Variants in SDK2 observed in about 807,000 individuals in gnomAD.
SDK2 encodes the protein protein sidekick-2.
In SDK2, 105 loss-of-function variants were observed where a neutral mutation model predicts 253.9. The ratio of observed to expected loss-of-function variants is 0.41; its 90% CI spans 0.35 to 0.49. The LOEUF (loss-of-function observed/expected upper bound fraction) is 0.49. Among genes scored for constraint, SDK2 ranks in the 20% least tolerant of loss-of-function variants. The pLI is 0.06. For missense variants in SDK2, 2,608 were observed against 3,003.0 expected (o/e 0.87, Z 3.07); for synonymous variants, 1,249 against 1,234.9 (o/e 1.01, Z -0.24).
At chr17:73,602,413 C>T (rs2045853643) in intron 1 of SDK2, among the ~76,000 whole-genome samples, 2 of 152,154 alleles carry the variant, frequency 1.3e-5, no homozygotes, top group Admixed American at 6.5e-5. Flanking sequence ...GGCAACAGTG[C>T]ACCATCTCTG....
intron 2 of SDK2, among the ~76,000 whole-genome samples, chr17:73,480,377 T>C (rs1179106380): frequency 6.6e-6 from 1 of 152,186 alleles, no homozygotes; most frequent in Non-Finnish European, 1.5e-5. Flanking sequence ...TAAATTTTGA[T>C]CTAGGCCATG....
chr17:73,495,642 GTGTT>G (rs1246887889), intron 2 of SDK2, among the ~76,000 whole-genome samples: 4 of 148,904 alleles, frequency 2.7e-5, no homozygotes, highest in Admixed American at 1.4e-4. Context: ...GTGTGTGTGT[GTGTT>G]TGTTTGTGTA....
At position 73,334,411 on chromosome 17, in the gene SDK2, T is replaced by C. The variant is rs539403953; in HGVS notation, c.*4176A>G. 1.6e-4 allele frequency: 25 copies of C among 152,276 alleles called. No individual in the cohort carries two copies. Among genetic ancestry groups the C allele is most frequent in the African/African-American group, 6.0e-4 (25 of 41,544 alleles). The allele number at this position is 152,276 out of a possible 1,614,324, so 9.4% of individuals were successfully genotyped here. A position where few individuals can be genotyped will look rare whatever the true frequency, so the allele number is the denominator to read the frequency against. On this transcript the variant is annotated 3_prime_UTR_variant, in exon 45 of 45. Transcript: ENST00000392650. ...CAAAAAAAAAAGTTTATTTATAAAA[T>C]ACTGACAGTTTGACAGGACACGGGA...
At chr17:73,364,249 C>G (rs1435540699) in intron 38 of SDK2, among the ~76,000 whole-genome samples, 1 of 152,176 alleles carries the variant, frequency 6.6e-6, no homozygotes, top group Non-Finnish European at 1.5e-5. Flanking sequence ...TGGCAGGTAC[C>G]AGATGCCCAT....
chr17:73,586,150 T>G (rs2045599944), intron 1 of SDK2, among the ~76,000 whole-genome samples: 1 of 152,164 alleles, frequency 6.6e-6, no homozygotes, highest in Non-Finnish European at 1.5e-5. Flanking sequence ...GCATAAGGCC[T>G]GGCATATAGC....
At chr17:73,567,730 G>GT (rs1188898704) in intron 1 of SDK2, among the ~76,000 whole-genome samples, 1 of 152,246 alleles carries the variant, frequency 6.6e-6, no homozygotes, top group African/African-American at 2.4e-5. Context: ...GAGCTTTAAG[G>GT]TTTAACACCT....
At chr17:73,430,460 G>T in intron 12 of SDK2, 51 bp downstream of exon 12, 2 of 1,392,522 alleles carry the variant, frequency 1.4e-6, no homozygotes, top group Non-Finnish European at 2.0e-6. Flanking sequence ...ACAAGCTATT[G>T]CCAGAGGCTC....
At chr17:73,569,199 CTTTTTTT>C (rs531392828) in intron 1 of SDK2, among the ~76,000 whole-genome samples, 7 of 137,522 alleles carry the variant, frequency 5.1e-5, no homozygotes, top group Non-Finnish European at 6.3e-5. Context: ...TCTTTCTTTT[CTTTTTTT>C]TTTTTTTTTG....
chr17:73,479,158 G>C (rs970304819), intron 2 of SDK2, among the ~76,000 whole-genome samples: 1 of 152,252 alleles, frequency 6.6e-6, no homozygotes, highest in Non-Finnish European at 1.5e-5. Context: ...CATGTCCACT[G>C]GGGGGTCAGG....
At chr17:73,370,478 A>G (rs746814928) in intron 36 of SDK2, among the ~76,000 whole-genome samples, 10 of 151,948 alleles carry the variant, frequency 6.6e-5, no homozygotes, top group Non-Finnish European at 1.5e-4. Context: ...CCTGGGCTCA[A>G]GCGATCCAAC....
intron 1 of SDK2, among the ~76,000 whole-genome samples, chr17:73,606,696 G>A (rs910303241): frequency 2.0e-5 from 3 of 152,092 alleles, no homozygotes; most frequent in African/African-American, 4.8e-5. Context: ...AGTCACGATC[G>A]ACTCTATCCA....
In SDK2 at chr17:73,522,898, C is replaced by T. The variant is rs79412542; in HGVS notation, c.65-15301G>A. On this transcript the variant is annotated intron_variant, in intron 1 of 44. Transcript: ENST00000392650. Reference sequence around the variant, plus strand: ...TGTCTCTGGTCCCCAGCTCCTCTTGCGGGTGGGATGAGGCAGGAAGAGGCA... The same window carrying T: ...TGTCTCTGGTCCCCAGCTCCTCTTGTGGGTGGGATGAGGCAGGAAGAGGCA... Among the ~76,000 whole-genome samples the T allele has an allele frequency of 4.5e-3, 691 of 152,250 alleles. 9 individuals carry two copies. The highest frequency in any genetic ancestry group is 0.039 in the East Asian group (200 of 5,166).
rs1383238029 is a variant in SDK2 at position 73,393,690 on chromosome 17, G to T, written c.3768C>A (p.Asn1256Lys). 1 of 1,595,616 alleles carries T rather than the reference G, an allele frequency of 6.3e-7. No individual in the cohort carries two copies. Among genetic ancestry groups the T allele is most frequent in the South Asian group, 1.1e-5 (1 of 89,248 alleles). ...TQPRFWLVEG[N>K]SSRSAQLTGL... The stretch of plus-strand genomic sequence containing the variant: ...CGGTGAGCTGGGCACTGCGAGACGA[G>T]TTGCCTTCCACCAGCCAGAATCGGG... Residue 1256 changes from asparagine (N) to lysine (K), a missense_variant, in exon 27 of 45, where the codon AAC becomes AAA. By Grantham distance (94) the Asn-to-Lys change is moderately conservative (BLOSUM62 0). This residue lies in a region of SDK2 where 1,505 missense variants were observed against 1,859.1 expected (regional missense o/e 0.81). Coordinates refer to ENST00000392650, the MANE Select transcript of SDK2 (RefSeq NM_001144952.2).
In SDK2 at chr17:73,618,623, G is replaced by A. The variant is rs1262028189; in HGVS notation, c.64+25402C>T. Among the ~76,000 whole-genome samples the A allele has an allele frequency of 6.6e-6, 1 of 152,168 alleles. No homozygotes were observed. Among genetic ancestry groups the A allele is most frequent in the Non-Finnish European group, 1.5e-5 (1 of 68,034 alleles). ...TCCCTTTGGAATCTAGAGTCCACGTGGTGCCCAAGAACGGCATGGGGGAGT... is the reference window on the plus strand; with the variant it reads ...TCCCTTTGGAATCTAGAGTCCACGTAGTGCCCAAGAACGGCATGGGGGAGT... On this transcript the variant is annotated intron_variant, in intron 1 of 44. Transcript: ENST00000392650. The surrounding 1 kb of genome is among the most constrained non-coding windows in gnomAD (Gnocchi z 4.1).
At chr17:73,614,618 A>G (rs1286743010) in intron 1 of SDK2, among the ~76,000 whole-genome samples, 2 of 48,718 alleles carry the variant, frequency 4.1e-5, no homozygotes, top group Non-Finnish European at 3.5e-5. Flanking sequence ...GGAGGGAGGG[A>G]GGAGCACAAG....
At chr17:73,346,651 T>C (rs1300594996) in intron 44 of SDK2, among the ~76,000 whole-genome samples, 2 of 152,198 alleles carry the variant, frequency 1.3e-5, no homozygotes, top group African/African-American at 4.8e-5. Context: ...ATCATATGTG[T>C]TTGTTTATAA....
intron 36 of SDK2, among the ~76,000 whole-genome samples, chr17:73,378,244 G>T (rs951696719): frequency 2.0e-5 from 3 of 151,664 alleles, no homozygotes. Context: ...GACTATAGGC[G>T]CATGCCACCA....
rs1022928442 is a variant in SDK2, at chr17:73,447,917, A to G, written c.480-169T>C. On this transcript the variant is annotated intron_variant, in intron 4 of 44. Coordinates refer to ENST00000392650, the MANE Select transcript of SDK2 (RefSeq NM_001144952.2). The surrounding 1 kb of genome is among the most constrained non-coding windows in gnomAD (Gnocchi z 4.0). The stretch of plus-strand genomic sequence containing the variant: ...AACCTCTTACTGCCTACATCCCGCC[A>G]CGTTTAGTTTGCAGAGAATGCTAAA... Among the ~76,000 whole-genome samples the G allele has an allele frequency of 1.3e-5, 2 of 150,572 alleles. No individual in the cohort carries two copies. Among genetic ancestry groups the G allele is most frequent in the Admixed American group, 6.6e-5 (1 of 15,146 alleles).
At chr17:73,495,774 C>T (rs1163474227) in intron 2 of SDK2, among the ~76,000 whole-genome samples, 1 of 152,098 alleles carries the variant, frequency 6.6e-6, no homozygotes, top group African/African-American at 2.4e-5. Context: ...CAGCCTGCTC[C>T]TCCTCCCAGC....
Sources: gnomAD v4.1 joint callset for allele counts (sites outside exome capture counted in the v4.1 genomes callset) on GRCh38, gnomAD v4.1.1 for gene constraint, gnomAD v4.1.1 regional missense constraint, Gnocchi (gnomAD v3.1) non-coding constraint, MANE v1.5 for transcripts, NCBI Gene and HGNC (gene_info 2026-07-23, HGNC 2026-07-21) for gene names.